Variants in EPHB1 observed in about 807,000 individuals in gnomAD.
EPHB1 encodes the protein ephrin type-B receptor 1.
In EPHB1, 30 loss-of-function variants were observed where a neutral mutation model predicts 94.4. That is an observed-to-expected ratio of 0.32 (90% CI 0.24 to 0.43). The LOEUF is 0.43. Ranked by LOEUF, EPHB1 falls within the 20% of genes least tolerant of loss-of-function variation. EPHB1 has a pLI of 1.00. For missense variants in EPHB1, 1,055 were observed against 1,308.3 expected (o/e 0.81, Z 2.99); for synonymous variants, 522 against 489.1 (o/e 1.07, Z -0.89).
chr3:135,031,702 T>C (rs1936477917), intron 3 of EPHB1, among the ~76,000 whole-genome samples: 1 of 152,224 alleles, frequency 6.6e-6, no homozygotes, highest in Non-Finnish European at 1.5e-5. Context: ...AATTCTATAA[T>C]AATAACAAAT....
chr3:135,112,771 T>C (rs1252281240), intron 4 of EPHB1, among the ~76,000 whole-genome samples: 1 of 152,100 alleles, frequency 6.6e-6, no homozygotes, highest in Non-Finnish European at 1.5e-5. Flanking sequence ...TGCCACATTT[T>C]CTTAATCCAG....
chr3:134,941,029 CA>C (rs2039105925), intron 2 of EPHB1, among the ~76,000 whole-genome samples: 2 of 152,288 alleles, frequency 1.3e-5, no homozygotes, highest in African/African-American at 4.8e-5. Flanking sequence ...TAAAGGTGTC[CA>C]GAGGAAGTGC....
chr3:135,114,241 T>A (rs541629439), intron 4 of EPHB1, among the ~76,000 whole-genome samples: 1 of 152,238 alleles, frequency 6.6e-6, no homozygotes, highest in African/African-American at 2.4e-5. Context: ...TTAGTATAAT[T>A]GCTAAGAGTG....
chr3:134,802,162 C>T (rs1041195645), intron 1 of EPHB1, among the ~76,000 whole-genome samples: 9 of 151,184 alleles, frequency 6.0e-5, no homozygotes, highest in African/African-American at 2.2e-4. Flanking sequence ...ACAGGCCGGG[C>T]GCGGTGGCTC....
intron 3 of EPHB1, among the ~76,000 whole-genome samples, chr3:135,017,315 CAA>C (rs1329409962): frequency 6.6e-6 from 1 of 152,058 alleles, no homozygotes; most frequent in Non-Finnish European, 1.5e-5. Context: ...AGAAAACAAA[CAA>C]AAGAGAGATT....
intron 3 of EPHB1, among the ~76,000 whole-genome samples, chr3:134,967,923 G>T (rs1215934337): frequency 6.6e-6 from 1 of 152,174 alleles, no homozygotes; most frequent in Non-Finnish European, 1.5e-5. Context: ...CACACTCAGT[G>T]GACCTGTCTC....
chr3:135,149,751 G>A (rs1473100869), intron 5 of EPHB1, among the ~76,000 whole-genome samples: 1 of 152,182 alleles, frequency 6.6e-6, no homozygotes, highest in Non-Finnish European at 1.5e-5. Flanking sequence ...TGACCTGTGT[G>A]AGAATACACA....
chr3:135,050,466 G>T (rs145910539), intron 3 of EPHB1, among the ~76,000 whole-genome samples: 2 of 152,186 alleles, frequency 1.3e-5, no homozygotes, highest in Non-Finnish European at 2.9e-5. Flanking sequence ...TGTGGGCATT[G>T]TCTTCCTGGT....
chr3:135,147,099 C>G (rs924921276), intron 5 of EPHB1, among the ~76,000 whole-genome samples: 1 of 152,246 alleles, frequency 6.6e-6, no homozygotes, highest in Non-Finnish European at 1.5e-5. Context: ...TAGGCACACA[C>G]ATCTCTCTGC....
intron 11 of EPHB1, among the ~76,000 whole-genome samples, chr3:135,200,406 G>GCAACAGCTCCCA (rs879937585): frequency 0.026 from 3,904 of 152,274 alleles, 73 homozygotes; most frequent in Non-Finnish European, 0.041. Context: ...CACTAGGAGA[G>GCAACAGCTCCCA]TTCCCTGTGC....
At chr3:134,942,349 G>C (rs543758310) in intron 2 of EPHB1, among the ~76,000 whole-genome samples, 1 of 152,328 alleles carries the variant, frequency 6.6e-6, no homozygotes, top group South Asian at 2.1e-4. Context: ...AGAGTTACTT[G>C]GAGGGTAAAG....
At chr3:134,939,952 T>C (rs1435584305) in intron 2 of EPHB1, among the ~76,000 whole-genome samples, 1 of 152,228 alleles carries the variant, frequency 6.6e-6, no homozygotes, top group Non-Finnish European at 1.5e-5. Context: ...CTGTAAGATG[T>C]GTCCAATTTT....
Position 135,154,166 on chromosome 3 carries a change from C to A in EPHB1, c.1312C>A (p.Pro438Thr), listed in dbSNP as rs201012406. The change falls in exon 6 of 16, where the codon CCC becomes ACC. Residue 438 changes from proline to threonine, a missense_variant. Pro to Thr is a conservative substitution (Grantham distance 38). Coordinates refer to ENST00000398015, the MANE Select transcript of EPHB1 (RefSeq NM_004441.5). Reference protein sequence around the residue: ...TTNQAAPSTVPIMHQVSATMR... With the variant: ...TTNQAAPSTVTIMHQVSATMR... ...TCTCTCCACAGCCCCCTCCACCGTTCCCATCATGCACCAAGTCAGTGCCAC... is the reference window on the plus strand; with the variant it reads ...TCTCTCCACAGCCCCCTCCACCGTTACCATCATGCACCAAGTCAGTGCCAC... 6.2e-7 allele frequency: 1 copy of A among 1,613,908 alleles called. No individual in the cohort carries two copies. The highest frequency in any genetic ancestry group is 1.1e-5 in the South Asian group (1 of 91,094).
At chr3:134,989,769 C>T (rs1934731326) in intron 3 of EPHB1, among the ~76,000 whole-genome samples, 2 of 152,004 alleles carry the variant, frequency 1.3e-5, no homozygotes, top group African/African-American at 4.8e-5. Context: ...TGCTTCTTCA[C>T]CACAAGATAT....
At chr3:135,072,395 A>G (rs1295163895) in intron 3 of EPHB1, among the ~76,000 whole-genome samples, 2 of 152,106 alleles carry the variant, frequency 1.3e-5, no homozygotes, top group Non-Finnish European at 2.9e-5. Flanking sequence ...AAAACAAACA[A>G]ACACTCAAGT....
intron 4 of EPHB1, among the ~76,000 whole-genome samples, chr3:135,112,686 A>G (rs1477714823): frequency 2.6e-5 from 4 of 151,620 alleles, no homozygotes; most frequent in Non-Finnish European, 5.9e-5. Context: ...GATGGTTTCC[A>G]GTTTCATCCA....
chr3:135,095,431 T>C (rs1017976378), intron 3 of EPHB1, among the ~76,000 whole-genome samples: 2 of 152,186 alleles, frequency 1.3e-5, no homozygotes, highest in African/African-American at 4.8e-5. Context: ...CCCACTACCC[T>C]AATCCATTAT....
At chr3:135,119,427 A>G (rs1939855563) in intron 4 of EPHB1, among the ~76,000 whole-genome samples, 1 of 151,282 alleles carries the variant, frequency 6.6e-6, no homozygotes, top group African/African-American at 2.4e-5. Context: ...ACACTCTCTT[A>G]TACTTTCTTT....
chr3:134,913,862 G>A (rs978377234), intron 1 of EPHB1, among the ~76,000 whole-genome samples: 1 of 152,186 alleles, frequency 6.6e-6, no homozygotes, highest in African/African-American at 2.4e-5. Flanking sequence ...GTGTATATTG[G>A]TGGTGGTCGG....
Sources: allele counts gnomAD v4.1 joint callset (sites outside exome capture counted in the v4.1 genomes callset), GRCh38; gene constraint gnomAD v4.1.1; transcripts MANE v1.5; gene names NCBI Gene and HGNC (gene_info 2026-07-23, HGNC 2026-07-21).